DLGAP2: variants seen among roughly 807,000 people sequenced by gnomAD.
DLGAP2 encodes DLG associated protein 2, also known as disks large-associated protein 2.
DLGAP2 carries 26 observed loss-of-function variants against 100.3 expected under a neutral mutation model. The observed-to-expected ratio is 0.26, with a 90% CI of 0.19 to 0.36. DLGAP2 has a LOEUF of 0.36. DLGAP2 is among the 10% of genes least tolerant of loss of function. The probability of loss-of-function intolerance (pLI) is 1.00; values close to 1 mark genes in which losing one functional copy is unlikely to be tolerated. For synonymous variants in DLGAP2, 886 were observed against 630.1 expected, an observed-to-expected ratio of 1.41 and a Z score of -6.08; for missense variants, 1,858 against 1,453.2, an observed-to-expected ratio of 1.28 and a Z score of -4.53.
Position 1,103,132 on chromosome 8 carries a change from G to C in DLGAP2, c.74-155719G>C, listed in dbSNP as rs143384379. On this transcript the variant is annotated intron_variant, in intron 2 of 14. Transcript: ENST00000637795. ...GGGTCTTTCTGAGTCTCTGGAGTCT[G>C]ACTCTGGTGGAGGTAAGAAGGGAAC... 5.6e-3 allele frequency among the ~76,000 whole-genome samples: 846 copies of C among 152,216 alleles called. 8 individuals carry two copies. The highest frequency in any genetic ancestry group is 6.8e-3 in the Middle Eastern group (2 of 294).
At chr8:887,835 T>A (rs1797952298) in intron 1 of DLGAP2, among the ~76,000 whole-genome samples, 1 of 152,204 alleles carries the variant, frequency 6.6e-6, no homozygotes, top group South Asian at 2.1e-4. Context: ...TTGGAGAATC[T>A]GATGATTATG....
intron 2 of DLGAP2, among the ~76,000 whole-genome samples, chr8:927,725 C>G (rs112262898): frequency 2.4e-4 from 36 of 152,094 alleles, no homozygotes; most frequent in African/African-American, 8.2e-4. Context: ...ATGTATGGAG[C>G]AGGAAGGAGA....
chr8:970,013 G>C (rs563850504), intron 2 of DLGAP2, among the ~76,000 whole-genome samples: 1 of 152,054 alleles, frequency 6.6e-6, no homozygotes, highest in East Asian at 1.9e-4. Flanking sequence ...TTCTGACATG[G>C]TTCAGCAAAA....
intron 2 of DLGAP2, among the ~76,000 whole-genome samples, chr8:983,239 T>A (rs1229333976): frequency 6.6e-6 from 1 of 152,172 alleles, no homozygotes; most frequent in Non-Finnish European, 1.5e-5. Context: ...CCTCGAGATG[T>A]TCTTGTGTCC....
rs771718672 is a variant in DLGAP2, at chr8:1,548,739, G to C, written c.286G>C (p.Gly96Arg). The C allele has an allele frequency of 2.1e-5, 34 of 1,606,234 alleles. No homozygotes were observed. The highest frequency in any genetic ancestry group is 2.9e-5 in the Non-Finnish European group (34 of 1,177,944). The change falls in exon 5 of 15, where the codon GGG becomes CGG. Residue 96 changes from glycine to arginine, a missense_variant. Transcript: ENST00000637795. Reference sequence around the variant, plus strand: ...TCGGACCCAGCCGCCGCTGTGTTCCGGGCACACGTGTGGTCTGGCGCCCCC... The same window carrying C: ...TCGGACCCAGCCGCCGCTGTGTTCCCGGCACACGTGTGGTCTGGCGCCCCC... ...GSRTQPPLCS[G>R]HTCGLAPPED... is the part of the protein sequence containing the mutation.
At chr8:1,080,502 G>T (rs1803770006) in intron 2 of DLGAP2, among the ~76,000 whole-genome samples, 1 of 152,214 alleles carries the variant, frequency 6.6e-6, no homozygotes, top group African/African-American at 2.4e-5. Flanking sequence ...TCCTAGTTTT[G>T]TGTAAGGGAC....
At chr8:920,705 C>A (rs572655473) in intron 2 of DLGAP2, among the ~76,000 whole-genome samples, 4 of 152,286 alleles carry the variant, frequency 2.6e-5, no homozygotes, top group African/African-American at 7.2e-5. Context: ...GAACCATGAT[C>A]GTGCTTGGGC....
chr8:1,062,902 C>A (rs1327545741), intron 2 of DLGAP2, among the ~76,000 whole-genome samples: 1 of 152,186 alleles, frequency 6.6e-6, no homozygotes, highest in Non-Finnish European at 1.5e-5. Flanking sequence ...AGTACTGGAG[C>A]AATTTGTAAC....
chr8:962,678 C>T (rs966608100), intron 2 of DLGAP2, among the ~76,000 whole-genome samples: 12 of 152,080 alleles, frequency 7.9e-5, no homozygotes, highest in East Asian at 3.9e-4. Flanking sequence ...CCGGCAACAA[C>T]GACATCAGAT....
rs1563133717 is a variant in DLGAP2, at chr8:1,417,162, G to GC, written c.107-84204_107-84203insC. On this transcript the variant is annotated intron_variant, in intron 3 of 14. Coordinates refer to ENST00000637795, the MANE Select transcript of DLGAP2 (RefSeq NM_001346810.2). ...GAGGCGGGGGAGACTCTGAGTGAAG[G>GC]GGAAGCCCCCGTTCATTTAGTGTCT... 7.4e-4 allele frequency among the ~76,000 whole-genome samples: 76 copies of GC among 102,608 alleles called. 9 individuals carry two copies. The highest frequency in any genetic ancestry group is 2.8e-3 in the East Asian group (8 of 2,818). 67.3% of individuals were successfully genotyped at this position (102,608 alleles called of 152,430 possible).
At chr8:1,015,312 A>G (rs374541332) in intron 2 of DLGAP2, among the ~76,000 whole-genome samples, 7 of 1,216 alleles carry the variant, frequency 5.8e-3, no homozygotes, top group African/African-American at 8.8e-3. Context: ...CACTGTGTGT[A>G]TGACCAGGAC....
chr8:1,522,875 T>G (rs1222503121), intron 4 of DLGAP2, among the ~76,000 whole-genome samples: 4 of 152,270 alleles, frequency 2.6e-5, no homozygotes, highest in African/African-American at 9.6e-5. Flanking sequence ...TCATGCATTT[T>G]GGCATGAAAA....
chr8:1,180,427 G>A (rs4548202), intron 2 of DLGAP2, among the ~76,000 whole-genome samples: 87,683 of 152,084 alleles, frequency 0.58, 25,611 homozygotes, highest in Admixed American at 0.66. Flanking sequence ...CTGGTCTTGA[G>A]CTCAAGCAGT....
chr8:1,418,746 G>A (rs1584880148), intron 3 of DLGAP2, among the ~76,000 whole-genome samples: 1 of 152,086 alleles, frequency 6.6e-6, no homozygotes, highest in African/African-American at 2.4e-5. Flanking sequence ...GACACCAACT[G>A]GGCGTCCTCT....
chr8:905,117 G>A (rs905500360), intron 1 of DLGAP2, among the ~76,000 whole-genome samples: 1 of 152,146 alleles, frequency 6.6e-6, no homozygotes, highest in Non-Finnish European at 1.5e-5. Context: ...AAAGTCACAC[G>A]TGGATTCTAC....
At chr8:797,295 G>T (rs562399658) in intron 1 of DLGAP2, among the ~76,000 whole-genome samples, 9 of 152,284 alleles carry the variant, frequency 5.9e-5, no homozygotes, top group African/African-American at 1.9e-4. Flanking sequence ...TTAAAAAAAT[G>T]GATTCATAGA....
chr8:1,482,099 C>G (rs976819561), intron 3 of DLGAP2, among the ~76,000 whole-genome samples: 1 of 152,234 alleles, frequency 6.6e-6, no homozygotes, highest in Admixed American at 6.5e-5. Context: ...ATCCAAGTGG[C>G]TGTGTGACAT....
chr8:1,592,151 G>T (rs1796311964), intron 6 of DLGAP2, among the ~76,000 whole-genome samples: 1 of 152,178 alleles, frequency 6.6e-6, no homozygotes, highest in Non-Finnish European at 1.5e-5. Flanking sequence ...CGCCCGCCCA[G>T]GCTTACCTAA....
At chr8:1,504,466 G>A (rs1017354040) in intron 4 of DLGAP2, among the ~76,000 whole-genome samples, 2 of 152,006 alleles carry the variant, frequency 1.3e-5, no homozygotes, top group Admixed American at 6.6e-5. Context: ...TTTAACTGTG[G>A]CCACCACGTG....
Sources: gnomAD v4.1 joint callset for allele counts (sites outside exome capture counted in the v4.1 genomes callset) on GRCh38, gnomAD v4.1.1 for gene constraint, MANE v1.5 for transcripts, NCBI Gene and HGNC (gene_info 2026-07-23, HGNC 2026-07-21) for gene names.